The following ANKFY1 variants were observed in gnomAD, a reference collection of about 807,000 sequenced individuals.
ANKFY1 encodes ankyrin repeat and FYVE domain containing 1.
ANKFY1 carries 47 observed loss-of-function variants against 128.3 expected under a neutral mutation model. The observed-to-expected ratio is 0.37, with a 90% CI of 0.29 to 0.47. ANKFY1 has a LOEUF of 0.47. Ranked by LOEUF, ANKFY1 falls within the 20% of genes least tolerant of loss-of-function variation. The pLI is 1.00. For synonymous variants in ANKFY1, 553 were observed against 601.6 expected, an observed-to-expected ratio of 0.92 and a Z score of 1.18; for missense variants, 1,222 against 1,510.6, an observed-to-expected ratio of 0.81 and a Z score of 3.17.
intron 4 of ANKFY1, among the ~76,000 whole-genome samples, chr17:4,216,126 T>C (rs147219192): frequency 6.6e-6 from 1 of 152,316 alleles, no homozygotes; most frequent in Admixed American, 6.5e-5. Context: ...TGGGGCACAG[T>C]GAGCCCTCCT....
intron 1 of ANKFY1, among the ~76,000 whole-genome samples, chr17:4,251,872 A>G (rs1209341850): frequency 6.6e-6 from 1 of 151,974 alleles, no homozygotes; most frequent in Non-Finnish European, 1.5e-5. Context: ...CCGTCTCTAC[A>G]AAAACACAAA....
intron 4 of ANKFY1, among the ~76,000 whole-genome samples, chr17:4,210,237 C>T (rs1434207691): frequency 6.6e-6 from 1 of 152,210 alleles, no homozygotes; most frequent in Non-Finnish European, 1.5e-5. Flanking sequence ...ACGACACCCG[C>T]TGATCACACA....
intron 4 of ANKFY1, among the ~76,000 whole-genome samples, chr17:4,215,287 T>TA (rs11422192): frequency 0.83 from 107,270 of 129,040 alleles, 47,576 homozygotes; most frequent in East Asian, 0.98. Flanking sequence ...GGCTGTCTTC[T>TA]AAAAAAAAAA....
At chr17:4,200,392 C>A (rs1191384064) in intron 7 of ANKFY1, among the ~76,000 whole-genome samples, 1 of 152,160 alleles carries the variant, frequency 6.6e-6, no homozygotes, top group Non-Finnish European at 1.5e-5. Context: ...TTCAGTTAAA[C>A]ATCTTCCAAA....
At chr17:4,210,731 A>AAAAAAC in intron 4 of ANKFY1, among the ~76,000 whole-genome samples, 9 of 150,240 alleles carry the variant, frequency 6.0e-5, no homozygotes, top group South Asian at 2.1e-4. Context: ...AAAAAAAAAA[A>AAAAAAC]AGCTCTCCTA....
chr17:4,255,842 A>C (rs1342313525), intron 1 of ANKFY1, among the ~76,000 whole-genome samples: 1 of 150,362 alleles, frequency 6.7e-6, no homozygotes, highest in African/African-American at 2.5e-5. Context: ...TTTGAAACGG[A>C]GTCTCACTCT....
intron 1 of ANKFY1, among the ~76,000 whole-genome samples, chr17:4,263,419 C>A (rs1433176832): frequency 5.3e-5 from 8 of 152,194 alleles, no homozygotes; most frequent in Non-Finnish European, 1.5e-5. Context: ...GCCGGAGCCG[C>A]CAGTGCGCCC....
At chr17:4,249,922 T>C (rs1191160988) in intron 1 of ANKFY1, among the ~76,000 whole-genome samples, 1 of 152,180 alleles carries the variant, frequency 6.6e-6, no homozygotes, top group Non-Finnish European at 1.5e-5. Flanking sequence ...CTCTACTAAA[T>C]AGTCACAATG....
chr17:4,243,932 ATTT>A (rs113664000), intron 1 of ANKFY1, among the ~76,000 whole-genome samples: 1 of 144,474 alleles, frequency 6.9e-6, no homozygotes, highest in African/African-American at 2.6e-5. Flanking sequence ...AAGATAAACA[ATTT>A]TTTTTTTTTT....
chr17:4,178,889 T>C lies in ANKFY1; in HGVS notation c.2566A>G (p.Ile856Val). ...GCAGCCCCGGACTCTCGTTTGAGAA[T>C]GGCCTCGGCTGACTTGTTGTTCTTG... is the stretch of plus-strand genomic sequence containing the variant. The part of the protein sequence containing the change: ...TFKNNKSAEA[I>V]LKRESGAAEQ... Residue 856 changes from isoleucine to valine, a missense_variant, in exon 18 of 25, where the codon ATT (isoleucine) becomes GTT (valine). Ile to Val is a conservative substitution (Grantham distance 29, BLOSUM62 3). Coordinates refer to ENST00000341657, the MANE Select transcript of ANKFY1 (RefSeq NM_001330063.2). The surrounding 1 kb of genome is among the most constrained non-coding windows in gnomAD (Gnocchi z 4.1). The C allele has an allele frequency of 1.2e-6, 2 of 1,614,220 alleles. No homozygotes were observed. The highest frequency in any genetic ancestry group is 8.5e-7 in the Non-Finnish European group (1 of 1,180,036).
At chr17:4,170,954 A>C (rs1389654789) in intron 22 of ANKFY1, 93 bp from the exon 23 acceptor site, 8 of 1,577,874 alleles carry the variant, frequency 5.1e-6, no homozygotes, top group African/African-American at 1.3e-5. Flanking sequence ...GGCAGAACAG[A>C]CCGCTGGCAG....
intron 15 of ANKFY1, 135 bp downstream of exon 15, chr17:4,182,046 T>C (rs1438581167): frequency 1.1e-6 from 1 of 940,560 alleles, no homozygotes; most frequent in Non-Finnish European, 1.4e-6. Flanking sequence ...TTTAACATGC[T>C]TTCAACTGCT....
At chr17:4,197,653 A>C in intron 7 of ANKFY1, 76 bp from the exon 8 acceptor site, 10 of 1,371,120 alleles carry the variant, frequency 7.3e-6, no homozygotes, top group Non-Finnish European at 9.2e-6. Flanking sequence ...GGGAGCAGAA[A>C]ATGACTGCAG....
At chr17:4,250,119 C>G (rs977923391) in intron 1 of ANKFY1, among the ~76,000 whole-genome samples, 2 of 152,144 alleles carry the variant, frequency 1.3e-5, no homozygotes, top group Non-Finnish European at 2.9e-5. Context: ...CTTTCTAAAA[C>G]GGCACAGTGC....
chr17:4,239,461 GATT>G lies in ANKFY1; in HGVS notation c.203+2792_203+2794del, dbSNP rs563660783. 5.3e-5 allele frequency among the ~76,000 whole-genome samples: 8 copies of G among 152,240 alleles called. No homozygotes were observed. In the South Asian group the frequency reaches 1.7e-3, roughly 32 times the overall value. On this transcript the variant is annotated intron_variant, in intron 2 of 24. Coordinates refer to ENST00000341657, the MANE Select transcript of ANKFY1 (RefSeq NM_001330063.2). ...TATATACTTCCTTTTTTATGTAATA[GATT>G]ATTCTTTTATTTAGAAAGGGCTAAG...
intron 22 of ANKFY1, among the ~76,000 whole-genome samples, chr17:4,172,220 G>A (rs2059334526): frequency 6.6e-6 from 1 of 152,202 alleles, no homozygotes. Flanking sequence ...CCTGTGAGAT[G>A]CTTCTATTTT....
At chr17:4,186,153 G>A (rs553776222) in intron 11 of ANKFY1, among the ~76,000 whole-genome samples, 10 of 152,288 alleles carry the variant, frequency 6.6e-5, no homozygotes, top group Admixed American at 5.2e-4. Context: ...GCGTGTCCAC[G>A]TGTATGTCCG....
At position 4,252,634 on chromosome 17, in the gene ANKFY1, A is replaced by C. The variant is rs528387521; in HGVS notation, c.11-10186T>G. 1.4e-4 allele frequency among the ~76,000 whole-genome samples: 21 copies of C among 152,362 alleles called. No individual in the cohort carries two copies. The South Asian group carries it at 4.3e-3, about 32-fold the overall frequency. On this transcript the variant is annotated intron_variant, in intron 1 of 24. Transcript: ENST00000341657. ...GCTAATGGAAATGCAAAATGGCATA[A>C]CCATTCTGGAAAACAGTTTGATGGT... is the stretch of plus-strand genomic sequence containing the variant.
rs181524335 is a variant in ANKFY1 at position 4,196,109 on chromosome 17, A to T, written c.1104-638T>A. Among the ~76,000 whole-genome samples the T allele has an allele frequency of 2.2e-3, 215 of 96,746 alleles. 2 individuals are homozygous for T. Among genetic ancestry groups the T allele is most frequent in the Non-Finnish European group, 2.9e-3 (150 of 51,368 alleles). The allele number at this position is 96,746 out of a possible 152,430, so 63.5% of individuals were successfully genotyped here. On this transcript the variant is annotated intron_variant, in intron 8 of 24. Coordinates refer to ENST00000341657, the MANE Select transcript of ANKFY1 (RefSeq NM_001330063.2). ...CCGCCCCCCACCTCCCCCCAAAAAC[A>T]CACACTTTGAGTCAGAGCCCAAGGC... is the stretch of plus-strand genomic sequence containing the variant.
Sources: gnomAD v4.1 joint callset for allele counts (sites outside exome capture counted in the v4.1 genomes callset) on GRCh38, gnomAD v4.1.1 for gene constraint, Gnocchi (gnomAD v3.1) non-coding constraint, MANE v1.5 for transcripts, NCBI Gene and HGNC (gene_info 2026-07-23, HGNC 2026-07-21) for gene names.